Variants in DRC11 observed in about 807,000 individuals in gnomAD.
DRC11 encodes IQ and AAA domain-containing protein 1.
At chr2:236,408,594 ATGACTTGGCAG>A in the DRC11 span, 2 of 727,248 alleles carry the variant, frequency 2.8e-6, no homozygotes, top group South Asian at 2.8e-5. The surrounding 1 kb of genome is among the most constrained non-coding windows in gnomAD (Gnocchi z 5.5). Flanking sequence ...AGTGACATGG[ATGACTTGGCAG>A]TGCTTCTTCA....
the DRC11 span, among the ~76,000 whole-genome samples, chr2:236,393,594 G>A: frequency 0.15 from 22,603 of 152,220 alleles, 1,941 homozygotes; most frequent in Admixed American, 0.2. This position sits in a 1 kb window ranked among gnomAD's most constrained non-coding sequence, Gnocchi z 4.7. Flanking sequence ...AAACTAATGG[G>A]AAGGAGGGGT....
At chr2:236,435,775 T>C in the DRC11 span, among the ~76,000 whole-genome samples, 1 of 152,154 alleles carries the variant, frequency 6.6e-6, no homozygotes, top group East Asian at 1.9e-4. Context: ...AGCATATTAA[T>C]GCCATATTGG....
At chr2:236,411,297 G>A in the DRC11 span, among the ~76,000 whole-genome samples, 1 of 151,964 alleles carries the variant, frequency 6.6e-6, no homozygotes, top group African/African-American at 2.4e-5. Context: ...ATGAAAAAAT[G>A]CTCAGCATCA....
the DRC11 span, among the ~76,000 whole-genome samples, chr2:236,461,387 A>G: frequency 2.8e-4 from 43 of 152,258 alleles, no homozygotes; most frequent in African/African-American, 1.0e-3. The surrounding 1 kb of genome is among the most constrained non-coding windows in gnomAD (Gnocchi z 4.0). Flanking sequence ...AGAAGATTTA[A>G]TTCTTTTGAA....
At chr2:236,456,437 G>C in the DRC11 span, among the ~76,000 whole-genome samples, 1 of 152,148 alleles carries the variant, frequency 6.6e-6, no homozygotes, top group Non-Finnish European at 1.5e-5. This position sits in a 1 kb window ranked among gnomAD's most constrained non-coding sequence, Gnocchi z 5.4. Flanking sequence ...TTGTTGATTA[G>C]AGATGCAGAA....
chr2:236,426,643 G>A, the DRC11 span, among the ~76,000 whole-genome samples: 1 of 152,172 alleles, frequency 6.6e-6, no homozygotes, highest in South Asian at 2.1e-4. This position sits in a 1 kb window ranked among gnomAD's most constrained non-coding sequence, Gnocchi z 4.1. Context: ...CTGTGCTAAA[G>A]TGATCCTCCC....
At chr2:236,356,562 A>AT in the DRC11 span, among the ~76,000 whole-genome samples, 8 of 152,160 alleles carry the variant, frequency 5.3e-5, no homozygotes, top group Admixed American at 2.6e-4. Context: ...GTTCTCTTGC[A>AT]TTTTTGTTGA....
chr2:236,485,254 G>GTA, the DRC11 span, among the ~76,000 whole-genome samples: 8 of 151,006 alleles, frequency 5.3e-5, no homozygotes, highest in South Asian at 4.2e-4. Flanking sequence ...ATATATGTAT[G>GTA]TATATATATA....
At chr2:236,478,265 G>T in the DRC11 span, among the ~76,000 whole-genome samples, 4 of 152,146 alleles carry the variant, frequency 2.6e-5, no homozygotes, top group Non-Finnish European at 4.4e-5. The surrounding 1 kb of genome is among the most constrained non-coding windows in gnomAD (Gnocchi z 5.9). Flanking sequence ...TTTGTTTCAG[G>T]AACTTTTAAA....
chr2:236,320,378 T>C, the DRC11 span, among the ~76,000 whole-genome samples: 567 of 152,272 alleles, frequency 3.7e-3, no homozygotes, highest in South Asian at 0.013. Flanking sequence ...GTATCATTAG[T>C]GGCTAAAAAT....
the DRC11 span, among the ~76,000 whole-genome samples, chr2:236,498,764 TCCCTTTATTAGG>T: frequency 6.6e-6 from 1 of 152,156 alleles, no homozygotes; most frequent in African/African-American, 2.4e-5. Context: ...TTGTTACTGG[TCCCTTTATTAGG>T]CCCTCATGAG....
the DRC11 span, among the ~76,000 whole-genome samples, chr2:236,356,913 T>G: frequency 0.028 from 2,345 of 83,274 alleles, 64 homozygotes; most frequent in Non-Finnish European, 0.035. Flanking sequence ...ATTTATATAT[T>G]ATATATATTC....
the DRC11 span, among the ~76,000 whole-genome samples, chr2:236,485,261 T>TATATA: frequency 3.2e-3 from 494 of 152,066 alleles, 3 homozygotes; most frequent in Non-Finnish European, 5.7e-3. Context: ...TATGTATATA[T>TATATA]ATATAATATA....
At chr2:236,397,952 G>C in the DRC11 span, among the ~76,000 whole-genome samples, 1 of 152,232 alleles carries the variant, frequency 6.6e-6, no homozygotes, top group African/African-American at 2.4e-5. The surrounding 1 kb of genome is among the most constrained non-coding windows in gnomAD (Gnocchi z 5.0). Flanking sequence ...CTGAATGTTT[G>C]TTGAAGGAAT....
At chr2:236,389,403 C>T in the DRC11 span, among the ~76,000 whole-genome samples, 5 of 152,184 alleles carry the variant, frequency 3.3e-5, no homozygotes, top group African/African-American at 7.2e-5. Context: ...GCGCAGTATT[C>T]GGGTGGGAGT....
At chr2:236,488,538 T>A in the DRC11 span, among the ~76,000 whole-genome samples, 4 of 152,190 alleles carry the variant, frequency 2.6e-5, no homozygotes, top group Admixed American at 1.3e-4. Flanking sequence ...CAATATTTCA[T>A]TAACTTAATA....
At chr2:236,441,107 A>G in the DRC11 span, 2 of 1,559,082 alleles carry the variant, frequency 1.3e-6, no homozygotes, top group South Asian at 2.4e-5. Context: ...GTAGTCAGGA[A>G]ATGTCCCGGT....
chr2:236,318,067 G>A, the DRC11 span, among the ~76,000 whole-genome samples: 9 of 152,316 alleles, frequency 5.9e-5, no homozygotes, highest in African/African-American at 2.2e-4. This position sits in a 1 kb window ranked among gnomAD's most constrained non-coding sequence, Gnocchi z 7.0. Flanking sequence ...GTGGTGCAGC[G>A]CTTCTGGCCT....
chr2:236,496,832 G>A, the DRC11 span, among the ~76,000 whole-genome samples: 2 of 152,168 alleles, frequency 1.3e-5, no homozygotes, highest in African/African-American at 4.8e-5. This position sits in a 1 kb window ranked among gnomAD's most constrained non-coding sequence, Gnocchi z 6.3. Context: ...ACTGGATGCT[G>A]GGAGGGTCTG....
Sources: allele counts gnomAD v4.1 joint callset (sites outside exome capture counted in the v4.1 genomes callset), GRCh38; gene constraint gnomAD v4.1.1; non-coding constraint Gnocchi (gnomAD v3.1); transcripts MANE v1.5; gene names NCBI Gene and HGNC (gene_info 2026-07-23, HGNC 2026-07-21).